PTPRN2: variants seen among roughly 807,000 people sequenced by gnomAD.
PTPRN2 encodes receptor-type tyrosine-protein phosphatase N2.
A neutral mutation model predicts 118.8 loss-of-function variants in PTPRN2; 74 were observed. That is an observed-to-expected ratio of 0.62 (90% CI 0.52 to 0.76). PTPRN2 has a LOEUF of 0.76. PTPRN2 is among the 30% of genes least tolerant of loss of function. The pLI, the probability that PTPRN2 is intolerant of heterozygous loss-of-function variation, is 0.00. For synonymous variants in PTPRN2, 641 were observed against 608.0 expected (o/e 1.05, Z -0.80); for missense variants, 1,481 against 1,394.4 (o/e 1.06, Z -0.99).
chr7:157,748,625 C>G (rs1352110865), intron 12 of PTPRN2, among the ~76,000 whole-genome samples: 668 of 69,278 alleles, frequency 9.6e-3, no homozygotes, highest in Middle Eastern at 0.027. Flanking sequence ...GGGCTGTTGA[C>G]GTGATTCTGA....
chr7:158,405,168 C>T (rs1212345784), intron 2 of PTPRN2, among the ~76,000 whole-genome samples: 5 of 152,156 alleles, frequency 3.3e-5, no homozygotes. Context: ...GCATCACGAA[C>T]ATCCACACCC....
At chr7:157,650,084 C>G (rs1010208246) in intron 14 of PTPRN2, among the ~76,000 whole-genome samples, 5 of 152,184 alleles carry the variant, frequency 3.3e-5, no homozygotes, top group African/African-American at 9.7e-5. Flanking sequence ...TGGGAAGTCT[C>G]GGGGTCTCCA....
chr7:157,732,001 C>T (rs1266008563), intron 12 of PTPRN2, among the ~76,000 whole-genome samples: 4 of 86,438 alleles, frequency 4.6e-5, no homozygotes, highest in East Asian at 2.8e-4. Flanking sequence ...GTTACCCTTT[C>T]CCGTCCCATG....
chr7:157,687,075 T>C (rs1173230027), intron 12 of PTPRN2, among the ~76,000 whole-genome samples: 1 of 152,120 alleles, frequency 6.6e-6, no homozygotes, highest in South Asian at 2.1e-4. Context: ...CAGAGACAAT[T>C]TGTGGAGCTG....
At chr7:157,731,106 G>A (rs1799873494) in intron 12 of PTPRN2, among the ~76,000 whole-genome samples, 1 of 152,074 alleles carries the variant, frequency 6.6e-6, no homozygotes, top group South Asian at 2.1e-4. Flanking sequence ...AGGACAGCAG[G>A]CTCCTTTACG....
rs773588880 is a variant in PTPRN2 at position 158,587,611 on chromosome 7, A to G, written c.59T>C (p.Leu20Pro). Residue 20 changes from leucine (L) to proline (P), a missense_variant, in exon 1 of 23, where the codon CTG becomes CCG. Physicochemically the swap from Leu to Pro is moderately conservative, Grantham distance 98. Coordinates refer to ENST00000389418, the MANE Select transcript of PTPRN2 (RefSeq NM_002847.5). ...LLLLLLPPRV[L>P]PAAPSSVPRG... is the part of the protein sequence containing the mutation. Reference sequence around the variant, plus strand: ...GGGGACGGACGAAGGGGCGGCAGGCAGGACGCGTGGCGGCAGCAGCAGCAG... The same window carrying G: ...GGGGACGGACGAAGGGGCGGCAGGCGGGACGCGTGGCGGCAGCAGCAGCAG... 130 of 1,360,522 alleles carry G rather than the reference A, an allele frequency of 9.6e-5. No individual in the cohort carries two copies. In the East Asian group the frequency reaches 3.9e-3, roughly 41 times the overall value. 84.3% of individuals were successfully genotyped at this position (1,360,522 alleles called of 1,614,324 possible).
chr7:157,716,579 T>C lies in PTPRN2; in HGVS notation c.1789-33642A>G, dbSNP rs1303748942. ...TCTGCAGGAACACTGCCTGGCCACG[T>C]AGACTCTGCGGGAACACTGCCTGGT... On this transcript the variant is annotated intron_variant, in intron 12 of 22. Coordinates refer to ENST00000389418, the MANE Select transcript of PTPRN2 (RefSeq NM_002847.5). Among the ~76,000 whole-genome samples, 55 of 51,316 alleles carry C rather than the reference T, an allele frequency of 1.1e-3. 4 individuals are homozygous for C. Among genetic ancestry groups the C allele is most frequent in the African/African-American group, 6.3e-3 (48 of 7,658 alleles). The allele number at this position is 51,316 out of a possible 152,430, so 33.7% of individuals were successfully genotyped here. A position where few individuals can be genotyped will look rare whatever the true frequency, so the allele number is the denominator to read the frequency against.
Position 158,438,385 on chromosome 7 carries a change from T to C in PTPRN2, c.163+51350A>G, listed in dbSNP as rs756133706. ...TCTCAAAAAAAAAAAAGAAAAAGTT[T>C]TATTTTATTTTTAATTGACAAATAA... On this transcript the variant is annotated intron_variant, in intron 2 of 22. Coordinates refer to ENST00000389418, the MANE Select transcript of PTPRN2 (RefSeq NM_002847.5). This position sits in a 1 kb window ranked among gnomAD's most constrained non-coding sequence, Gnocchi z 4.7. Among the ~76,000 whole-genome samples, 30 of 152,096 alleles carry C rather than the reference T, an allele frequency of 2.0e-4. No homozygotes were observed. Among genetic ancestry groups the C allele is most frequent in the African/African-American group, 4.8e-4 (20 of 41,418 alleles).
rs563021157 is a variant in PTPRN2 at position 158,502,406 on chromosome 7, G to A, written c.113-12621C>T. The stretch of plus-strand genomic sequence containing the variant: ...AAAAGAAGGTTAGAAAACTGACTTG[G>A]AGAAATGGGCAGGAAACAAGACAGG... On this transcript the variant is annotated intron_variant, in intron 1 of 22. Coordinates refer to ENST00000389418, the MANE Select transcript of PTPRN2 (RefSeq NM_002847.5). Among the ~76,000 whole-genome samples the A allele has an allele frequency of 9.2e-5, 14 of 152,326 alleles. No individual in the cohort carries two copies. The South Asian group carries it at 2.7e-3, about 29-fold the overall frequency.
intron 21 of PTPRN2, among the ~76,000 whole-genome samples, chr7:157,559,532 C>T (rs957058460): frequency 2.0e-5 from 3 of 152,022 alleles, no homozygotes; most frequent in South Asian, 2.1e-4. Flanking sequence ...GCAGCTGTGC[C>T]GCAGGAAATG....
chr7:157,608,848 G>A (rs1444029096), intron 15 of PTPRN2, among the ~76,000 whole-genome samples: 2 of 151,880 alleles, frequency 1.3e-5, no homozygotes, highest in Non-Finnish European at 1.5e-5. Context: ...GAGCAATGGC[G>A]GGAACCACAG....
chr7:157,590,266 T>C lies in PTPRN2; in HGVS notation c.2496+4972A>G, dbSNP rs1485586926. Reference sequence around the variant, plus strand: ...CCCTCACCCCAAAATGGGTATTCTTTCCTTGAGGGATGTTTTATTTCTAGG... The same window carrying C: ...CCCTCACCCCAAAATGGGTATTCTTCCCTTGAGGGATGTTTTATTTCTAGG... On this transcript the variant is annotated intron_variant, in intron 17 of 22. Coordinates refer to ENST00000389418, the MANE Select transcript of PTPRN2 (RefSeq NM_002847.5). This position sits in a 1 kb window ranked among gnomAD's most constrained non-coding sequence, Gnocchi z 4.0. 6.6e-6 allele frequency among the ~76,000 whole-genome samples: 1 copy of C among 152,200 alleles called. No homozygotes were observed. The highest frequency in any genetic ancestry group is 1.5e-5 in the Non-Finnish European group (1 of 68,038).
chr7:158,207,258 G>T (rs548403421), intron 3 of PTPRN2, among the ~76,000 whole-genome samples: 95 of 143,808 alleles, frequency 6.6e-4, no homozygotes, highest in Non-Finnish European at 1.1e-3. Context: ...GAATAATGCC[G>T]CAATAAACAT....
chr7:157,564,853 C>A (rs1430829104), intron 21 of PTPRN2, among the ~76,000 whole-genome samples: 2 of 152,242 alleles, frequency 1.3e-5, no homozygotes, highest in Non-Finnish European at 2.9e-5. Flanking sequence ...ACCCTCACAT[C>A]CACATTCACA....
chr7:157,675,636 G>A (rs548235681), intron 13 of PTPRN2, among the ~76,000 whole-genome samples: 9 of 152,356 alleles, frequency 5.9e-5, no homozygotes, highest in Admixed American at 4.6e-4. Context: ...GTGCGGAAAC[G>A]GGTACCCTGG....
intron 11 of PTPRN2, among the ~76,000 whole-genome samples, chr7:157,998,974 G>A (rs893907701): frequency 6.6e-6 from 1 of 152,042 alleles, no homozygotes; most frequent in Non-Finnish European, 1.5e-5. Context: ...GGGGCCAGGG[G>A]ACTGTGAGCT....
In PTPRN2 at chr7:158,523,699, G is replaced by A. The variant is rs1189170134; in HGVS notation, c.113-33914C>T. ...GGAGCGGAGTCGTCTGCCCTGGAGT[G>A]GAGTCGTCTGCCCTGGAGTGGAGTC... On this transcript the variant is annotated intron_variant, in intron 1 of 22. Coordinates refer to ENST00000389418, the MANE Select transcript of PTPRN2 (RefSeq NM_002847.5). Among the ~76,000 whole-genome samples, 517 of 123,750 alleles carry A rather than the reference G, an allele frequency of 4.2e-3. 1 individual carries two copies. Among genetic ancestry groups the A allele is most frequent in the Non-Finnish European group, 5.6e-3 (313 of 56,340 alleles). The allele number at this position is 123,750 out of a possible 152,430, so 81.2% of individuals were successfully genotyped here.
chr7:157,765,616 C>A (rs928457521), intron 12 of PTPRN2, among the ~76,000 whole-genome samples: 3 of 150,806 alleles, frequency 2.0e-5, no homozygotes, highest in African/African-American at 7.3e-5. Flanking sequence ...ACCCACCTAC[C>A]CATCCATCAT....
At position 157,576,684 on chromosome 7, in the gene PTPRN2, C is replaced by T. The variant is rs1426857066; in HGVS notation, c.2712G>A (p.Thr904=). 3 of 1,611,626 alleles carry T rather than the reference C, an allele frequency of 1.9e-6. No individual in the cohort carries two copies. The highest frequency in any genetic ancestry group is 1.1e-5 in the South Asian group (1 of 90,498). Residue 904 remains threonine (T), a synonymous_variant, in exon 19 of 23, where the codon ACG becomes ACA. Transcript: ENST00000389418. ...NLQTNETRTV[T]QFHFLSWYDR... ...CATACCAACTCAGGAAGTGGAACTGCGTCACGGTGCGCGTCTCGTTGGTCT... is the reference window on the plus strand; with the variant it reads ...CATACCAACTCAGGAAGTGGAACTGTGTCACGGTGCGCGTCTCGTTGGTCT...
Sources: allele counts gnomAD v4.1 joint callset (sites outside exome capture counted in the v4.1 genomes callset), GRCh38; gene constraint gnomAD v4.1.1; non-coding constraint Gnocchi (gnomAD v3.1); transcripts MANE v1.5; gene names NCBI Gene and HGNC (gene_info 2026-07-23, HGNC 2026-07-21).